Variants in PTH1R observed in about 807,000 individuals in gnomAD.
The protein encoded by PTH1R is parathyroid hormone 1 receptor, also known as parathyroid hormone/parathyroid hormone-related peptide receptor.
A neutral mutation model predicts 70.7 loss-of-function variants in PTH1R; 32 were observed. The observed-to-expected ratio is 0.45, with a 90% confidence interval of 0.34 to 0.61. The LOEUF is 0.61. Among genes scored for constraint, PTH1R ranks in the 20% least tolerant of loss-of-function variants. The pLI is 0.01. For missense variants in PTH1R, 626 were observed against 792.5 expected, an observed-to-expected ratio of 0.79 and a Z score of 2.52; for synonymous variants, 329 against 324.8, an observed-to-expected ratio of 1.01 and a Z score of -0.14.
rs1371179252 is a variant in PTH1R at position 46,903,305 on chromosome 3, G to T, written c.1431G>T (p.Trp477Cys). 6.2e-7 allele frequency: 1 copy of T among 1,613,428 alleles called. No homozygotes were observed. The highest frequency in any genetic ancestry group is 1.7e-5 in the Admixed American group (1 of 60,018). The change falls in exon 16 of 16, where the codon TGG becomes TGT. Residue 477 changes from tryptophan (W) to cysteine (C), a missense_variant. Physicochemically the swap from Trp to Cys is radical, Grantham distance 215. Transcript: ENST00000449590. The surrounding 1 kb of genome is among the most constrained non-coding windows in gnomAD (Gnocchi z 4.4). Reference sequence around the variant, plus strand: ...AGATCAAGAAATCTTGGAGCCGCTGGACACTGGCACTGGACTTCAAGCGAA... The same window carrying T: ...AGATCAAGAAATCTTGGAGCCGCTGTACACTGGCACTGGACTTCAAGCGAA... ...QAEIKKSWSR[W>C]TLALDFKRKA...
intron 4 of PTH1R, 33 bp downstream of exon 4, chr3:46,894,042 G>C (rs749694959): frequency 6.2e-7 from 1 of 1,603,248 alleles, no homozygotes; most frequent in Non-Finnish European, 8.5e-7. Flanking sequence ...CTGGGGATGA[G>C]GTCAGGTGAG....
intron 5 of PTH1R, among the ~76,000 whole-genome samples, chr3:46,897,023 A>G (rs952425591): frequency 2.0e-5 from 3 of 152,210 alleles, no homozygotes; most frequent in Non-Finnish European, 4.4e-5. Flanking sequence ...TGAGGTCAGC[A>G]GCTCCTTGGA....
chr3:46,887,577 G>T (rs1221908064), intron 3 of PTH1R, among the ~76,000 whole-genome samples: 2 of 152,102 alleles, frequency 1.3e-5, no homozygotes, highest in Non-Finnish European at 1.5e-5. Context: ...AGTTTGGGTA[G>T]AGGGGCGTTC....
intron 10 of PTH1R, among the ~76,000 whole-genome samples, chr3:46,900,546 T>G (rs1252321154): frequency 2.0e-5 from 3 of 152,012 alleles, no homozygotes; most frequent in Admixed American, 2.0e-4. Flanking sequence ...GGTCTCCCTG[T>G]GGCCTCTGCT....
chr3:46,894,928 G>A (rs2031649710), intron 4 of PTH1R, among the ~76,000 whole-genome samples: 1 of 151,914 alleles, frequency 6.6e-6, no homozygotes, highest in Non-Finnish European at 1.5e-5. Context: ...GCGAGGTATG[G>A]TGGTGCACAC....
In PTH1R at chr3:46,903,398, C is replaced by T. The variant is rs149831426; in HGVS notation, c.1524C>T (p.Val508=). 1.2e-5 allele frequency: 20 copies of T among 1,613,300 alleles called. No individual in the cohort carries two copies. In the African/African-American group the frequency reaches 1.5e-4, roughly 12 times the overall value. The change falls in exon 16 of 16, where the codon GTC becomes GTT. Residue 508 remains valine, a synonymous_variant. Transcript: ENST00000449590. This position sits in a 1 kb window ranked among gnomAD's most constrained non-coding sequence, Gnocchi z 4.4. ...PMVSHTSVTN[V]GPRVGLGLPL... is the part of the protein sequence containing the mutation. ...TGTCCCACACAAGTGTGACCAATGT[C>T]GGCCCCCGTGTGGGACTCGGCCTGC...
chr3:46,886,201 C>T (rs35163561), intron 3 of PTH1R, among the ~76,000 whole-genome samples: 6,591 of 152,298 alleles, frequency 0.043, 186 homozygotes, highest in Non-Finnish European at 0.066. Flanking sequence ...GGAGGAGAAA[C>T]TGCAACAAGA....
At chr3:46,880,116 A>T (rs1306225696) in intron 1 of PTH1R, 1 of 152,252 alleles carries the variant, frequency 6.6e-6, no homozygotes, top group Non-Finnish European at 1.5e-5. Context: ...TTAGGTGCCC[A>T]TTCTGGCACC....
intron 2 of PTH1R, among the ~76,000 whole-genome samples, chr3:46,881,906 G>C (rs1575505888): frequency 6.6e-6 from 1 of 152,118 alleles, no homozygotes; most frequent in African/African-American, 2.4e-5. Flanking sequence ...AAGAGGGCTC[G>C]CTTCTCGGCT....
intron 2 of PTH1R, among the ~76,000 whole-genome samples, chr3:46,881,331 C>A (rs1408564997): frequency 6.6e-6 from 1 of 152,176 alleles, no homozygotes; most frequent in East Asian, 1.9e-4. Flanking sequence ...CAGCCAAACA[C>A]AGAAATCCCG....
At chr3:46,895,899 G>A (rs750859632) in intron 5 of PTH1R, 30 bp downstream of exon 5, 2 of 1,607,832 alleles carry the variant, frequency 1.2e-6, no homozygotes, top group Admixed American at 3.4e-5. Flanking sequence ...CATCCAGCTG[G>A]CATGGGCTTG....
At position 46,901,988 on chromosome 3, in the gene PTH1R, C is replaced by T; in HGVS notation, c.1211+128C>T. The T allele has an allele frequency of 1.9e-6, 2 of 1,073,564 alleles. No homozygotes were observed. The highest frequency in any genetic ancestry group is 2.7e-5 in the South Asian group (2 of 74,590). The allele number at this position is 1,073,564 out of a possible 1,614,324, so 66.5% of individuals were successfully genotyped here. On this transcript the variant is annotated intron_variant, in intron 13 of 15. Coordinates refer to ENST00000449590, the MANE Select transcript of PTH1R (RefSeq NM_000316.3). The surrounding 1 kb of genome is among the most constrained non-coding windows in gnomAD (Gnocchi z 7.3). Reference sequence around the variant, plus strand: ...AAGGGAAAGGACCCAGCGTCTGACTCCCTGGCTGTCCTCACCCACCTGGCC... The same window carrying T: ...AAGGGAAAGGACCCAGCGTCTGACTTCCTGGCTGTCCTCACCCACCTGGCC...
In PTH1R at chr3:46,902,350, A is replaced by G. The variant is rs1372024751; in HGVS notation, c.1212-176A>G. Reference sequence around the variant, plus strand: ...ACACCGCTGAGAACCAACGGGCCCTATTAGCACTTAGCCAGGACAGCAGCC... The same window carrying G: ...ACACCGCTGAGAACCAACGGGCCCTGTTAGCACTTAGCCAGGACAGCAGCC... On this transcript the variant is annotated intron_variant, in intron 13 of 15. Transcript: ENST00000449590. The surrounding 1 kb of genome is among the most constrained non-coding windows in gnomAD (Gnocchi z 5.4). Among the ~76,000 whole-genome samples the G allele has an allele frequency of 6.6e-6, 1 of 152,200 alleles. No homozygotes were observed. The highest frequency in any genetic ancestry group is 1.5e-5 in the Non-Finnish European group (1 of 68,032).
chr3:46,901,662 A>C lies in PTH1R; in HGVS notation c.1117-104A>C. On this transcript the variant is annotated intron_variant, in intron 12 of 15. Coordinates refer to ENST00000449590, the MANE Select transcript of PTH1R (RefSeq NM_000316.3). This position sits in a 1 kb window ranked among gnomAD's most constrained non-coding sequence, Gnocchi z 7.3. ...AGGAAAACCAAGGGCTCAAGGAGCC[A>C]CCCAGAGATGCAGTGACAGAGCAGA... 2 of 1,415,320 alleles carry C rather than the reference A, an allele frequency of 1.4e-6. No individual in the cohort carries two copies. Among genetic ancestry groups the C allele is most frequent in the African/African-American group, 2.8e-5 (2 of 70,602 alleles). 87.7% of individuals were successfully genotyped at this position (1,415,320 alleles called of 1,614,324 possible).
At chr3:46,888,075 A>G (rs973129469) in intron 3 of PTH1R, among the ~76,000 whole-genome samples, 1 of 152,372 alleles carries the variant, frequency 6.6e-6, no homozygotes, top group Admixed American at 6.5e-5. Flanking sequence ...CAACACCAAG[A>G]CCAACCAGGA....
At position 46,902,837 on chromosome 3, in the gene PTH1R, C is replaced by T. The variant is rs201756478; in HGVS notation, c.1395+47C>T. On this transcript the variant is annotated intron_variant, in intron 15 of 15. Coordinates refer to ENST00000449590, the MANE Select transcript of PTH1R (RefSeq NM_000316.3). The surrounding 1 kb of genome is among the most constrained non-coding windows in gnomAD (Gnocchi z 5.4). The stretch of plus-strand genomic sequence containing the variant: ...CATAGGGCAGGGTGGGGCAGATACC[C>T]CAGAGGCTTCCTCAAGGCTCATTTC... 31 of 1,607,784 alleles carry T rather than the reference C, an allele frequency of 1.9e-5. No homozygotes were observed. Among genetic ancestry groups the T allele is most frequent in the Non-Finnish European group, 2.6e-5 (30 of 1,175,408 alleles).
At chr3:46,900,979 G>A in intron 10 of PTH1R, 46 bp from the exon 11 acceptor site, 2 of 1,554,984 alleles carry the variant, frequency 1.3e-6, no homozygotes, top group Non-Finnish European at 8.7e-7. Context: ...ATGACCTTGT[G>A]GACAGCAGCC....
chr3:46,889,386 T>C (rs2031251353), intron 3 of PTH1R, among the ~76,000 whole-genome samples: 1 of 152,130 alleles, frequency 6.6e-6, no homozygotes, highest in Non-Finnish European at 1.5e-5. Context: ...GCAGCTAAAA[T>C]CCAGGATTAT....
chr3:46,892,062 C>A lies in PTH1R; in HGVS notation c.76-1845C>A, dbSNP rs1241815489. ...GATCCTGGCAAGTCCAACTTGTCCT[C>A]CCTTAAGCCATCCCATCATTCTGTG... On this transcript the variant is annotated intron_variant, in intron 3 of 15. Coordinates refer to ENST00000449590, the MANE Select transcript of PTH1R (RefSeq NM_000316.3). This position sits in a 1 kb window ranked among gnomAD's most constrained non-coding sequence, Gnocchi z 5.2. 1.3e-5 allele frequency among the ~76,000 whole-genome samples: 2 copies of A among 152,110 alleles called. No homozygotes were observed. Among genetic ancestry groups the A allele is most frequent in the African/African-American group, 4.8e-5 (2 of 41,402 alleles).
Sources: gnomAD v4.1 joint callset for allele counts (sites outside exome capture counted in the v4.1 genomes callset) on GRCh38, gnomAD v4.1.1 for gene constraint, Gnocchi (gnomAD v3.1) non-coding constraint, MANE v1.5 for transcripts, NCBI Gene and HGNC (gene_info 2026-07-23, HGNC 2026-07-21) for gene names.